Variants in CINP observed in about 807,000 individuals in gnomAD.
CINP encodes cyclin dependent kinase 2 interacting protein.
CINP carries 11 observed loss-of-function variants against 20.5 expected under a neutral mutation model. That is an observed-to-expected ratio of 0.54 (90% CI 0.34 to 0.89). The LOEUF (loss-of-function observed/expected upper bound fraction) is 0.89, where lower values mean the gene tolerates loss of function less well. CINP is among the 40% of genes least tolerant of loss of function. The pLI, the probability that CINP is intolerant of heterozygous loss-of-function variation, is 0.02. For synonymous variants in CINP, 108 were observed against 102.1 expected (o/e 1.06, Z -0.35); for missense variants, 213 against 251.0 (o/e 0.85, Z 1.02).
At chr14:102,358,693 T>TA (rs1224872344) in intron 2 of CINP, among the ~76,000 whole-genome samples, 1 of 151,486 alleles carries the variant, frequency 6.6e-6, no homozygotes, top group Non-Finnish European at 1.5e-5. Context: ...AAATAAAAAA[T>TA]AAAAAATAGA....
chr14:102,356,808 A>G (rs1887007701), intron 2 of CINP, among the ~76,000 whole-genome samples: 1 of 152,198 alleles, frequency 6.6e-6, no homozygotes, highest in South Asian at 2.1e-4. Flanking sequence ...ATGTGCATAT[A>G]TAACGGCAAG....
chr14:102,353,659 A>ACCTGACCAGTAT (rs1474818884), intron 3 of CINP, among the ~76,000 whole-genome samples: 1 of 152,228 alleles, frequency 6.6e-6, no homozygotes, highest in Non-Finnish European at 1.5e-5. Context: ...TCTACAAAAT[A>ACCTGACCAGTAT]CCTGACCAGT....
intron 3 of CINP, among the ~76,000 whole-genome samples, chr14:102,350,521 AT>A (rs937872721): frequency 6.6e-6 from 1 of 151,534 alleles, no homozygotes; most frequent in Non-Finnish European, 1.5e-5. Flanking sequence ...CACCCAGCTA[AT>A]TTTTTTTAAT....
At chr14:102,355,604 G>C in intron 3 of CINP, 164 bp downstream of exon 3, 1 of 727,794 alleles carries the variant, frequency 1.4e-6, no homozygotes, top group South Asian at 1.9e-5. Context: ...GAGTGTCTAA[G>C]ACAGCATCTT....
In CINP at chr14:102,351,263, C is replaced by T. The variant is rs956420526; in HGVS notation, c.307-1215G>A. ...TGGCAAGCTGCCATTGACGGTCCCT[C>T]AGTGTGGACCAGGCTCTGTCCTAAG... On this transcript the variant is annotated intron_variant, in intron 3 of 4. Transcript: ENST00000216756. The surrounding 1 kb of genome is among the most constrained non-coding windows in gnomAD (Gnocchi z 4.2). Among the ~76,000 whole-genome samples the T allele has an allele frequency of 7.2e-5, 11 of 152,216 alleles. No individual in the cohort carries two copies. The highest frequency in any genetic ancestry group is 1.9e-4 in the African/African-American group (8 of 41,452).
chr14:102,357,706 C>A (rs1009938624), intron 2 of CINP, among the ~76,000 whole-genome samples: 1 of 152,180 alleles, frequency 6.6e-6, no homozygotes, highest in Non-Finnish European at 1.5e-5. Context: ...GGATTTGGTT[C>A]ATGAGGTTTA....
intron 2 of CINP, among the ~76,000 whole-genome samples, chr14:102,358,584 G>A (rs1243788529): frequency 2.0e-5 from 3 of 152,148 alleles, no homozygotes; most frequent in African/African-American, 7.2e-5. Flanking sequence ...AGGAGGCTGA[G>A]ACAGGAGAAC....
Position 102,356,415 on chromosome 14 carries a change from CA to C in CINP, c.177-519del, listed in dbSNP as rs34032226. 9.7e-3 allele frequency among the ~76,000 whole-genome samples: 1,190 copies of C among 122,320 alleles called. 15 individuals are homozygous for C. The highest frequency in any genetic ancestry group is 0.031 in the African/African-American group (1,035 of 33,148). 80.2% of individuals were successfully genotyped at this position (122,320 alleles called of 152,430 possible). ...CCTGCACAAAAGAGCAAGACTGTCTCAAAAAAAAAAAAAACACCATTCAGCG... is the reference window on the plus strand; with the variant it reads ...CCTGCACAAAAGAGCAAGACTGTCTCAAAAAAAAAAAAACACCATTCAGCG... On this transcript the variant is annotated intron_variant, in intron 2 of 4. Transcript: ENST00000216756.
rs558363825 is a variant in CINP at position 102,354,667 on chromosome 14, G to A, written c.306+1101C>T. Among the ~76,000 whole-genome samples, 11 of 152,296 alleles carry A rather than the reference G, an allele frequency of 7.2e-5. No individual in the cohort carries two copies. In the South Asian group the frequency reaches 2.3e-3, roughly 32 times the overall value. On this transcript the variant is annotated intron_variant, in intron 3 of 4. Transcript: ENST00000216756. Reference sequence around the variant, plus strand: ...AGCTATGTGGAAGGTTGAGGCACAAGAATTGCTTGAACCCAGGAGGCGGAG... The same window carrying A: ...AGCTATGTGGAAGGTTGAGGCACAAAAATTGCTTGAACCCAGGAGGCGGAG...
chr14:102,354,895 T>C (rs564702887), intron 3 of CINP, among the ~76,000 whole-genome samples: 2 of 151,406 alleles, frequency 1.3e-5, no homozygotes, highest in South Asian at 2.1e-4. Flanking sequence ...CATGGTGAAA[T>C]GCTGTCTCTA....
chr14:102,355,659 A>T (rs1886982307), intron 3 of CINP, 109 bp downstream of exon 3: 1 of 1,250,528 alleles, frequency 8.0e-7, no homozygotes, highest in Admixed American at 2.0e-5. Flanking sequence ...AGAGAACATC[A>T]GAGGAGACTG....
At chr14:102,362,062 G>C (rs895599255) in intron 1 of CINP, among the ~76,000 whole-genome samples, 11 of 152,226 alleles carry the variant, frequency 7.2e-5, no homozygotes, top group African/African-American at 2.2e-4. Flanking sequence ...AGGAGGCTTT[G>C]CATAAAATGA....
chr14:102,349,797 C>T, intron 4 of CINP, 122 bp downstream of exon 4: 1 of 1,200,234 alleles, frequency 8.3e-7, no homozygotes, highest in Non-Finnish European at 1.2e-6. Flanking sequence ...TCCTTTCCTC[C>T]CGATACTTTT....
intron 3 of CINP, 119 bp from the exon 4 acceptor site, chr14:102,350,167 C>T (rs1446734038): frequency 1.1e-6 from 1 of 878,634 alleles, no homozygotes; most frequent in Non-Finnish European, 1.7e-6. Context: ...ATTCCAATAA[C>T]TAAACACTGT....
Position 102,351,246 on chromosome 14 carries a change from T to C in CINP, c.307-1198A>G, listed in dbSNP as rs1886861491. Among the ~76,000 whole-genome samples the C allele has an allele frequency of 6.6e-6, 1 of 152,230 alleles. No individual in the cohort carries two copies. Among genetic ancestry groups the C allele is most frequent in the South Asian group, 2.1e-4 (1 of 4,830 alleles). On this transcript the variant is annotated intron_variant, in intron 3 of 4. Transcript: ENST00000216756. This position sits in a 1 kb window ranked among gnomAD's most constrained non-coding sequence, Gnocchi z 4.2. ...CAGAAAGGAAGGAAACGTGGCAAGC[T>C]GCCATTGACGGTCCCTCAGTGTGGA...
rs146618940 is a variant in CINP at position 102,348,740 on chromosome 14, G to C, written c.456C>G (p.Leu152=). The C allele has an allele frequency of 6.7e-5, 108 of 1,613,526 alleles. No individual in the cohort carries two copies. The highest frequency in any genetic ancestry group is 8.3e-5 in the Non-Finnish European group (98 of 1,179,816). The change falls in exon 5 of 5, where the codon CTC becomes CTG. Residue 152 remains leucine, a synonymous_variant. Transcript: ENST00000216756. ...GCAGCTCCTTCCTGTACATCTCCAA[G>C]AGCTTATGCGAAACCTCATCTGAAA... The part of the protein sequence containing the change: ...TTHFYEVSHK[L]LEMYRKELLL...
At chr14:102,360,650 A>G (rs1250621897) in intron 1 of CINP, among the ~76,000 whole-genome samples, 1 of 152,172 alleles carries the variant, frequency 6.6e-6, no homozygotes, top group Admixed American at 6.5e-5. Context: ...GATTGCTGAG[A>G]TTAGATAATA....
At chr14:102,354,169 C>T (rs979899027) in intron 3 of CINP, among the ~76,000 whole-genome samples, 2 of 152,170 alleles carry the variant, frequency 1.3e-5, no homozygotes, top group Non-Finnish European at 2.9e-5. Context: ...ACCTGATTTC[C>T]TGTGCCTAGC....
intron 3 of CINP, among the ~76,000 whole-genome samples, chr14:102,350,620 C>G (rs1372299715): frequency 6.6e-6 from 1 of 152,024 alleles, no homozygotes; most frequent in Non-Finnish European, 1.5e-5. Flanking sequence ...TCCCAAAGTG[C>G]TGGGATTATA....
Sources: allele counts gnomAD v4.1 joint callset (sites outside exome capture counted in the v4.1 genomes callset), GRCh38; gene constraint gnomAD v4.1.1; non-coding constraint Gnocchi (gnomAD v3.1); transcripts MANE v1.5; gene names NCBI Gene and HGNC (gene_info 2026-07-23, HGNC 2026-07-21).